The following TMED3 variants were observed in gnomAD, a reference collection of about 807,000 sequenced individuals.
The protein encoded by TMED3 is transmembrane emp24 domain-containing protein 3.
TMED3 carries 9 observed loss-of-function variants against 15.0 expected under a neutral mutation model. That is an observed-to-expected ratio of 0.60 (90% CI 0.36 to 1.04). The LOEUF (loss-of-function observed/expected upper bound fraction) is 1.04, where lower values mean the gene tolerates loss of function less well. TMED3 is among the 50% of genes least tolerant of loss of function. The pLI is 0.01. For synonymous variants in TMED3, 117 were observed against 121.4 expected (o/e 0.96, Z 0.24); for missense variants, 267 against 278.9 (o/e 0.96, Z 0.30).
At chr15:79,321,328 C>G (rs869040) in intron 2 of TMED3, among the ~76,000 whole-genome samples, 43,371 of 152,066 alleles carry the variant, frequency 0.29, 7,033 homozygotes, top group Middle Eastern at 0.41. Flanking sequence ...AATATTTTTG[C>G]AGGTAAAGAA....
At chr15:79,382,921 AC>A in intron 2 of TMED3, 1 of 1,522,424 alleles carries the variant, frequency 6.6e-7, no homozygotes. Context: ...ATTCCCATTG[AC>A]AAAGTCAATT....
At chr15:79,396,771 T>C (rs1893768247) in intron 2 of TMED3, among the ~76,000 whole-genome samples, 1 of 152,208 alleles carries the variant, frequency 6.6e-6, no homozygotes, top group South Asian at 2.1e-4. Context: ...CTGAAGTAAA[T>C]GCAAGACACA....
intron 2 of TMED3, among the ~76,000 whole-genome samples, chr15:79,338,248 A>G (rs2058834382): frequency 6.6e-6 from 1 of 152,178 alleles, no homozygotes; most frequent in Non-Finnish European, 1.5e-5. Context: ...TCTGTGCAGT[A>G]TTTTTTTCTT....
Position 79,311,121 on chromosome 15 carries a change from A to C in TMED3, c.-129A>C. ...GCACTGAGCCGCCGGCCCTCCCGGA[A>C]GCGCAGAGCTCCGCTGGTGCCACGT... On this transcript the variant is annotated 5_prime_UTR_variant, in exon 1 of 3. Transcript: ENST00000299705. 2.0e-6 allele frequency: 2 copies of C among 1,005,788 alleles called. No homozygotes were observed. The highest frequency in any genetic ancestry group is 1.7e-5 in the African/African-American group (1 of 57,776). 62.3% of individuals were successfully genotyped at this position (1,005,788 alleles called of 1,614,324 possible). A position where few individuals can be genotyped will look rare whatever the true frequency, so the allele number is the denominator to read the frequency against.
At chr15:79,405,249 C>T (rs1029377701) in intron 2 of TMED3, among the ~76,000 whole-genome samples, 3 of 152,176 alleles carry the variant, frequency 2.0e-5, no homozygotes, top group African/African-American at 7.2e-5. Flanking sequence ...ATCTAGAACT[C>T]TGGGGGTCTG....
At chr15:79,351,149 A>G (rs1452115803) in intron 2 of TMED3, among the ~76,000 whole-genome samples, 1 of 152,214 alleles carries the variant, frequency 6.6e-6, no homozygotes, top group Admixed American at 6.5e-5. Context: ...TCATGATAGG[A>G]GGCTCAATAT....
At chr15:79,407,140 A>G (rs578067159) in intron 2 of TMED3, among the ~76,000 whole-genome samples, 4 of 152,260 alleles carry the variant, frequency 2.6e-5, no homozygotes, top group African/African-American at 4.8e-5. Context: ...CTCTTCCTCT[A>G]TATGCTGCCA....
intron 2 of TMED3, among the ~76,000 whole-genome samples, chr15:79,361,604 G>A (rs1466548471): frequency 6.6e-6 from 1 of 152,072 alleles, no homozygotes; most frequent in Non-Finnish European, 1.5e-5. Context: ...TACAAATTGG[G>A]TGCAGTGCTC....
chr15:79,357,993 T>A (rs1306155989), intron 2 of TMED3, among the ~76,000 whole-genome samples: 1 of 152,218 alleles, frequency 6.6e-6, no homozygotes, highest in African/African-American at 2.4e-5. Flanking sequence ...ACACTATTAA[T>A]GTACCCGTCT....
intron 2 of TMED3, among the ~76,000 whole-genome samples, chr15:79,388,021 A>G (rs963467576): frequency 7.9e-5 from 12 of 152,132 alleles, no homozygotes; most frequent in African/African-American, 2.9e-4. Context: ...TGTGAGCACA[A>G]TCATAATATC....
chr15:79,383,359 T>A, intron 2 of TMED3: 1 of 249,766 alleles, frequency 4.0e-6, no homozygotes, highest in Non-Finnish European at 7.7e-6. Context: ...GCTCTGAAAG[T>A]TTGGAAGGTC....
chr15:79,366,210 T>G (rs1893231093), intron 2 of TMED3, among the ~76,000 whole-genome samples: 1 of 152,220 alleles, frequency 6.6e-6, no homozygotes, highest in Admixed American at 6.5e-5. Flanking sequence ...TCCTGCTACC[T>G]TGGCGTTATC....
At chr15:79,388,018 A>C (rs997409634) in intron 2 of TMED3, among the ~76,000 whole-genome samples, 6 of 152,182 alleles carry the variant, frequency 3.9e-5, no homozygotes, top group Non-Finnish European at 8.8e-5. Flanking sequence ...GTCTGTGAGC[A>C]CAATCATAAT....
chr15:79,366,890 T>C (rs1567033872), intron 2 of TMED3, among the ~76,000 whole-genome samples: 1 of 143,780 alleles, frequency 7.0e-6, no homozygotes, highest in Non-Finnish European at 1.5e-5. Context: ...TGCTGCACTT[T>C]AAGGTGCATT....
chr15:79,311,673 G>C (rs2058715252), intron 1 of TMED3, among the ~76,000 whole-genome samples: 3 of 152,146 alleles, frequency 2.0e-5, no homozygotes, highest in Admixed American at 2.0e-4. Flanking sequence ...GGACGCCAGG[G>C]CGGATCCCGC....
At chr15:79,385,132 C>A (rs1323720058) in intron 2 of TMED3, among the ~76,000 whole-genome samples, 1 of 152,162 alleles carries the variant, frequency 6.6e-6, no homozygotes, top group African/African-American at 2.4e-5. Flanking sequence ...CGGATCTTTG[C>A]AACCTGTGGA....
chr15:79,383,140 C>A (rs895624842), intron 2 of TMED3: 2 of 951,710 alleles, frequency 2.1e-6, no homozygotes, highest in African/African-American at 3.2e-5. Context: ...GTGCACTTCA[C>A]TTCCTGCCTT....
rs1289277814 is a variant in TMED3 at position 79,311,424 on chromosome 15, C to T, written c.168+7C>T. Reference sequence around the variant, plus strand: ...GTTCTCCCTGGATTACCAGGTGAGGCCGGGCGCCCGGCAGCGCTCCCTTCT... The same window carrying T: ...GTTCTCCCTGGATTACCAGGTGAGGTCGGGCGCCCGGCAGCGCTCCCTTCT... On this transcript the variant is annotated splice_region_variant and intron_variant, in intron 1 of 2. Transcript: ENST00000299705. 10 of 1,600,794 alleles carry T rather than the reference C, an allele frequency of 6.2e-6. No individual in the cohort carries two copies. Among genetic ancestry groups the T allele is most frequent in the Non-Finnish European group, 8.5e-6 (10 of 1,173,682 alleles).
chr15:79,399,979 AAATTGCTGTCCAC>A (rs1275255875), intron 2 of TMED3, among the ~76,000 whole-genome samples: 1 of 152,216 alleles, frequency 6.6e-6, no homozygotes, highest in Non-Finnish European at 1.5e-5. Flanking sequence ...CCAGGTCAGG[AAATTGCTGTCCAC>A]AACCCCTGTC....
Sources: gnomAD v4.1 joint callset for allele counts (sites outside exome capture counted in the v4.1 genomes callset) on GRCh38, gnomAD v4.1.1 for gene constraint, MANE v1.5 for transcripts, NCBI Gene and HGNC (gene_info 2026-07-23, HGNC 2026-07-21) for gene names.